COP1: variants seen among roughly 807,000 people sequenced by gnomAD.
COP1 encodes E3 ubiquitin-protein ligase COP1.
In COP1, 24 loss-of-function variants were observed where a neutral mutation model predicts 101.3. That is an observed-to-expected ratio of 0.24 (90% CI 0.17 to 0.33). The LOEUF (loss-of-function observed/expected upper bound fraction) is 0.33. COP1 is among the 10% of genes least tolerant of loss of function. The pLI is 1.00. For missense variants in COP1, 663 were observed against 906.2 expected, an observed-to-expected ratio of 0.73 and a Z score of 3.45; for synonymous variants, 347 against 341.9, an observed-to-expected ratio of 1.01 and a Z score of -0.17.
At chr1:176,120,701 C>T (rs560762647) in intron 8 of COP1, among the ~76,000 whole-genome samples, 1 of 152,186 alleles carries the variant, frequency 6.6e-6, no homozygotes, top group Admixed American at 6.5e-5. Context: ...AAAGCAAAGA[C>T]GTATTTCCTA....
At chr1:175,986,290 A>G (rs1233121454) in intron 18 of COP1, among the ~76,000 whole-genome samples, 1 of 152,164 alleles carries the variant, frequency 6.6e-6, no homozygotes, top group East Asian at 1.9e-4. Flanking sequence ...AAGTGCTGGG[A>G]TTACAGGTGT....
At chr1:176,091,760 T>G (rs965341118) in intron 9 of COP1, among the ~76,000 whole-genome samples, 1 of 151,398 alleles carries the variant, frequency 6.6e-6, no homozygotes, top group Non-Finnish European at 1.5e-5. Flanking sequence ...AATCAAAAAC[T>G]GAGAAAAACA....
chr1:176,058,135 T>TGGGG (rs1269113035), intron 11 of COP1, among the ~76,000 whole-genome samples: 37 of 68,144 alleles, frequency 5.4e-4, no homozygotes, highest in East Asian at 4.0e-3. Flanking sequence ...GGAGGTGGGG[T>TGGGG]GGGGGGGGGG....
chr1:176,122,801 G>A (rs1687366310), intron 8 of COP1, among the ~76,000 whole-genome samples: 1 of 152,110 alleles, frequency 6.6e-6, no homozygotes, highest in Non-Finnish European at 1.5e-5. Context: ...TTTTGTAAGA[G>A]GAGTTTCCTT....
At chr1:176,013,245 A>G (rs1665003697) in intron 15 of COP1, among the ~76,000 whole-genome samples, 1 of 152,212 alleles carries the variant, frequency 6.6e-6, no homozygotes, top group Non-Finnish European at 1.5e-5. Flanking sequence ...CCAAGGGTAC[A>G]GAGGGCTGAG....
At chr1:176,133,725 G>C (rs1689332667) in intron 8 of COP1, 1 of 357,584 alleles carries the variant, frequency 2.8e-6, no homozygotes, top group Admixed American at 3.6e-5. Flanking sequence ...CAAAGATCTG[G>C]AAACAATATA....
chr1:175,960,166 A>C (rs1055069424), intron 18 of COP1, among the ~76,000 whole-genome samples: 5 of 152,202 alleles, frequency 3.3e-5, no homozygotes, highest in African/African-American at 9.6e-5. Flanking sequence ...TATATACGAC[A>C]ATCTGTATTC....
At chr1:176,132,368 G>A (rs1258056836) in intron 8 of COP1, among the ~76,000 whole-genome samples, 1 of 151,742 alleles carries the variant, frequency 6.6e-6, no homozygotes, top group Non-Finnish European at 1.5e-5. Flanking sequence ...GCCCTACCAT[G>A]CCTAACTATT....
chr1:176,090,245 C>A (rs1044863083), intron 9 of COP1, among the ~76,000 whole-genome samples: 2 of 152,064 alleles, frequency 1.3e-5, no homozygotes, highest in African/African-American at 4.8e-5. Flanking sequence ...CTTTCCAGAT[C>A]GAATCAATGT....
intron 15 of COP1, among the ~76,000 whole-genome samples, chr1:175,997,436 G>A (rs1414660170): frequency 6.6e-6 from 1 of 151,904 alleles, no homozygotes. Flanking sequence ...CACAGCAAAA[G>A]AAACTACCAT....
intron 18 of COP1, chr1:175,968,610 CA>C: frequency 2.3e-6 from 1 of 426,726 alleles, no homozygotes; most frequent in Non-Finnish European, 4.7e-6. Flanking sequence ...CTAACTGCAT[CA>C]AATTCTCATT....
Position 175,995,625 on chromosome 1 carries a change from A to G in COP1, c.1730-6146T>C, listed in dbSNP as rs187958625. 3.6e-3 allele frequency among the ~76,000 whole-genome samples: 541 copies of G among 152,318 alleles called. 9 individuals are homozygous for G. The highest frequency in any genetic ancestry group is 0.031 in the East Asian group (161 of 5,188). ...CAGAGAATACTACAAACACCTCTAC[A>G]CAAATAAACTTGAAAATCTAGAACA... On this transcript the variant is annotated intron_variant, in intron 15 of 19. Coordinates refer to ENST00000367669, the MANE Select transcript of COP1 (RefSeq NM_022457.7).
intron 15 of COP1, among the ~76,000 whole-genome samples, chr1:176,014,261 C>T (rs1353462039): frequency 6.6e-6 from 1 of 152,174 alleles, no homozygotes; most frequent in Non-Finnish European, 1.5e-5. Context: ...CTGGACCCCA[C>T]CCAACCAATT....
rs183420028 is a variant in COP1, at chr1:176,073,371, T to C, written c.1277+7781A>G. ...GTTTGAACAAACATAAGTAAAAATA[T>C]TGAAAAACTCTCTAGAGGTAGAATG... On this transcript the variant is annotated intron_variant, in intron 11 of 19. Transcript: ENST00000367669. Among the ~76,000 whole-genome samples, 4 of 152,296 alleles carry C rather than the reference T, an allele frequency of 2.6e-5. No individual in the cohort carries two copies. In the East Asian group the frequency reaches 5.8e-4, roughly 22 times the overall value.
Position 176,206,939 on chromosome 1 carries a change from T to C in COP1, c.40A>G (p.Thr14Ala), listed in dbSNP as rs1700927701. 6.9e-7 allele frequency: 1 copy of C among 1,454,894 alleles called. No individual in the cohort carries two copies. The highest frequency in any genetic ancestry group is 2.5e-5 in the Admixed American group (1 of 39,822). The allele number at this position is 1,454,894 out of a possible 1,614,324, so 90.1% of individuals were successfully genotyped here. A position where few individuals can be genotyped will look rare whatever the true frequency, so the allele number is the denominator to read the frequency against. The part of the protein sequence containing the change: ...SRQAGSGSAG[T>A]SPGSSAASSV... The stretch of plus-strand genomic sequence containing the variant: ...GAGGCCGCCGAGGACCCGGGGCTTG[T>C]CCCAGCGGAGCCCGACCCGGCCTGG... Residue 14 changes from threonine to alanine, a missense_variant, in exon 1 of 20, where the codon ACA becomes GCA. Coordinates refer to ENST00000367669, the MANE Select transcript of COP1 (RefSeq NM_022457.7).
chr1:176,033,968 T>G (rs1669061448), intron 14 of COP1, among the ~76,000 whole-genome samples: 1 of 152,166 alleles, frequency 6.6e-6, no homozygotes, highest in Non-Finnish European at 1.5e-5. Flanking sequence ...AATAAATACA[T>G]TTAAGTAACA....
intron 8 of COP1, among the ~76,000 whole-genome samples, chr1:176,130,054 G>A (rs182035936): frequency 6.6e-6 from 1 of 151,670 alleles, no homozygotes; most frequent in East Asian, 1.9e-4. Flanking sequence ...ATCCACATTT[G>A]TTAATCCATA....
intron 3 of COP1, among the ~76,000 whole-genome samples, chr1:176,174,048 G>A (rs150847560): frequency 1.4e-4 from 20 of 142,642 alleles, no homozygotes; most frequent in East Asian, 2.2e-4. Context: ...TCCAGCTTAA[G>A]TGGCAGTATA....
rs1362558863 is a variant in COP1, at chr1:176,142,064, A to G, written c.832-5517T>C. Among the ~76,000 whole-genome samples the G allele has an allele frequency of 4.6e-5, 7 of 152,158 alleles. 1 individual carries two copies. On this transcript the variant is annotated intron_variant, in intron 6 of 19. Transcript: ENST00000367669. ...GTTTTAAGCTGAGAAGAAAACAGAAAAAGCAAGAACAAAACCAAATAAATA... is the reference window on the plus strand; with the variant it reads ...GTTTTAAGCTGAGAAGAAAACAGAAGAAGCAAGAACAAAACCAAATAAATA...
Sources: gnomAD v4.1 joint callset for allele counts (sites outside exome capture counted in the v4.1 genomes callset) on GRCh38, gnomAD v4.1.1 for gene constraint, MANE v1.5 for transcripts, NCBI Gene and HGNC (gene_info 2026-07-23, HGNC 2026-07-21) for gene names.